Variants in DCAF6 observed in about 807,000 individuals in gnomAD.
DCAF6 encodes the protein DDB1 and CUL4 associated factor 6.
DCAF6 carries 54 observed loss-of-function variants against 125.1 expected under a neutral mutation model. The observed-to-expected ratio is 0.43, with a 90% CI of 0.35 to 0.54. The LOEUF (loss-of-function observed/expected upper bound fraction) is 0.54, where lower values mean the gene tolerates loss of function less well. DCAF6 is among the 20% of genes least tolerant of loss of function. The probability of loss-of-function intolerance (pLI) is 0.01; values close to 1 mark genes in which losing one functional copy is unlikely to be tolerated. For synonymous variants in DCAF6, 371 were observed against 390.4 expected (o/e 0.95, Z 0.58); for missense variants, 934 against 1,161.7 (o/e 0.80, Z 2.85).
chr1:167,938,045 A>G (rs1011841705), intron 1 of DCAF6, among the ~76,000 whole-genome samples: 3 of 152,254 alleles, frequency 2.0e-5, no homozygotes, highest in African/African-American at 7.2e-5. Flanking sequence ...AAAAGTTAGC[A>G]TGCAATTTTT....
At chr1:167,883,615 T>C in the DCAF6 span, 1 of 1,614,244 alleles carries the variant, frequency 6.2e-7, no homozygotes, top group Non-Finnish European at 8.5e-7. Context: ...GCCCTGAAGC[T>C]GTTTGTTATC....
intron 4 of DCAF6, 122 bp downstream of exon 4, chr1:167,975,137 A>G (rs1677952851): frequency 1.9e-6 from 1 of 513,034 alleles, no homozygotes; most frequent in Admixed American, 4.2e-5. Flanking sequence ...TTTGATGCAT[A>G]TAAATTATTG....
intron 10 of DCAF6, among the ~76,000 whole-genome samples, chr1:168,006,974 C>T (rs1683417927): frequency 6.6e-6 from 1 of 152,190 alleles, no homozygotes; most frequent in Admixed American, 6.5e-5. Context: ...TCAATGGGTG[C>T]TCAACACTGT....
At chr1:167,901,145 A>G in the DCAF6 span, among the ~76,000 whole-genome samples, 1 of 151,836 alleles carries the variant, frequency 6.6e-6, no homozygotes, top group African/African-American at 2.4e-5. Flanking sequence ...ATAAGGAAAT[A>G]TGTGTGACTA....
At chr1:167,912,467 A>T in the DCAF6 span, among the ~76,000 whole-genome samples, 1 of 152,228 alleles carries the variant, frequency 6.6e-6, no homozygotes, top group African/African-American at 2.4e-5. Context: ...GCATATTAAA[A>T]GGCTAGGGTG....
intron 1 of DCAF6, among the ~76,000 whole-genome samples, chr1:167,943,661 C>G (rs203791): frequency 6.6e-4 from 100 of 152,226 alleles, no homozygotes; most frequent in African/African-American, 2.2e-3. Flanking sequence ...TTCTCATCAT[C>G]CTCCCACCTC....
the DCAF6 span, chr1:167,920,153 T>G: frequency 9.9e-7 from 1 of 1,007,822 alleles, no homozygotes; most frequent in Non-Finnish European, 1.5e-6. Flanking sequence ...CAGTGAATAC[T>G]TAATATTGAG....
chr1:167,931,737 G>A (rs1670917205), upstream of DCAF6, among the ~76,000 whole-genome samples: 1 of 151,918 alleles, frequency 6.6e-6, no homozygotes, highest in South Asian at 2.1e-4. Context: ...ATATATATTT[G>A]CACTAAGTTG....
chr1:167,962,515 T>A (rs922448650), intron 2 of DCAF6, among the ~76,000 whole-genome samples: 1 of 152,226 alleles, frequency 6.6e-6, no homozygotes, highest in African/African-American at 2.4e-5. Flanking sequence ...ATGTAACTAC[T>A]CCTGTTTTCT....
chr1:168,028,451 G>A (rs1004877522), intron 12 of DCAF6, among the ~76,000 whole-genome samples: 10 of 152,174 alleles, frequency 6.6e-5, no homozygotes, highest in Admixed American at 5.9e-4. Context: ...GAAGTTGACA[G>A]TGCCATCGAG....
At chr1:167,951,009 A>G (rs1010919228) in intron 1 of DCAF6, among the ~76,000 whole-genome samples, 7 of 152,222 alleles carry the variant, frequency 4.6e-5, no homozygotes, top group African/African-American at 1.7e-4. Flanking sequence ...TTTAAAATTA[A>G]AAACCTTACT....
At chr1:168,017,256 G>C (rs577610958) in intron 11 of DCAF6, among the ~76,000 whole-genome samples, 9 of 150,302 alleles carry the variant, frequency 6.0e-5, no homozygotes, top group African/African-American at 2.2e-4. Flanking sequence ...TAAACGTCTA[G>C]CAAACATGTT....
chr1:167,899,298 G>T, the DCAF6 span: 2 of 951,300 alleles, frequency 2.1e-6, no homozygotes, highest in Non-Finnish European at 3.3e-6. Context: ...GCCTAACCCA[G>T]ACTGACCCCA....
At chr1:167,958,461 A>G (rs1675103881) in intron 2 of DCAF6, among the ~76,000 whole-genome samples, 1 of 151,746 alleles carries the variant, frequency 6.6e-6, no homozygotes, top group East Asian at 1.9e-4. Flanking sequence ...TAAATAGAAG[A>G]GTTTATTTCT....
the DCAF6 span, among the ~76,000 whole-genome samples, chr1:167,889,457 G>A: frequency 1.0e-4 from 14 of 137,388 alleles, no homozygotes; most frequent in Non-Finnish European, 3.4e-5. Context: ...TTTTTAATAT[G>A]TTGTTGAACC....
At chr1:167,934,186 AGTAATTACAG>A (rs770666417), upstream of DCAF6, among the ~76,000 whole-genome samples, 24 of 152,362 alleles carry the variant, frequency 1.6e-4, no homozygotes, top group Non-Finnish European at 3.1e-4. Context: ...TATTTTAAGC[AGTAATTACAG>A]GTGGCTAAAA....
In DCAF6 at chr1:168,002,643, T is replaced by G. The variant is rs565497406; in HGVS notation, c.997+68T>G. ...AAAATTAATATTTTAACTTCCAGTT[T>G]CTTCACTATTATAAATTATTCTGTA... On this transcript the variant is annotated intron_variant, in intron 8 of 21. Coordinates refer to ENST00000367840, the MANE Select transcript of DCAF6 (RefSeq NM_001198956.2). The G allele has an allele frequency of 1.4e-4, 168 of 1,191,056 alleles. 2 individuals carry two copies. Among genetic ancestry groups the G allele is most frequent in the South Asian group, 7.2e-4 (53 of 73,850 alleles). The allele number at this position is 1,191,056 out of a possible 1,614,324, so 73.8% of individuals were successfully genotyped here.
chr1:167,919,945 G>T, the DCAF6 span: 2 of 1,499,976 alleles, frequency 1.3e-6, no homozygotes, highest in Non-Finnish European at 1.8e-6. Context: ...AGTAGCTTTT[G>T]CAACAGTTTT....
intron 11 of DCAF6, among the ~76,000 whole-genome samples, chr1:168,017,485 A>G (rs1357668428): frequency 6.6e-6 from 1 of 152,098 alleles, no homozygotes; most frequent in Non-Finnish European, 1.5e-5. Flanking sequence ...TAACTAGTTC[A>G]CGGATTTGAA....
Sources: allele counts gnomAD v4.1 joint callset (sites outside exome capture counted in the v4.1 genomes callset), GRCh38; gene constraint gnomAD v4.1.1; transcripts MANE v1.5; gene names NCBI Gene and HGNC (gene_info 2026-07-23, HGNC 2026-07-21).